The following MYRIP variants were observed in gnomAD, a reference collection of about 807,000 sequenced individuals.
MYRIP encodes the protein myosin VIIA and Rab interacting protein, also known as rab effector MyRIP.
A neutral mutation model predicts 98.0 loss-of-function variants in MYRIP; 49 were observed. That is an observed-to-expected ratio of 0.50 (90% CI 0.40 to 0.63). The LOEUF is 0.63. Ranked by LOEUF, MYRIP falls within the 30% of genes least tolerant of loss-of-function variation. MYRIP has a pLI of 0.00. For missense variants in MYRIP, 1,004 were observed against 1,058.2 expected (o/e 0.95, Z 0.71); for synonymous variants, 404 against 409.5 (o/e 0.99, Z 0.16).
intron 16 of MYRIP, among the ~76,000 whole-genome samples, chr3:40,257,168 T>C (rs1318387206): frequency 3.3e-5 from 5 of 151,156 alleles, no homozygotes. Flanking sequence ...TTACAAAAAA[T>C]AAAAAGTTAG....
intron 1 of MYRIP, among the ~76,000 whole-genome samples, chr3:39,810,866 G>A (rs1378674475): frequency 2.0e-5 from 3 of 152,152 alleles, no homozygotes; most frequent in Non-Finnish European, 4.4e-5. Context: ...TACGCTGTGG[G>A]CTTGGTTCGC....
chr3:40,220,415 G>C (rs980532782), intron 11 of MYRIP, among the ~76,000 whole-genome samples: 35 of 152,168 alleles, frequency 2.3e-4, no homozygotes, highest in South Asian at 4.2e-4. Context: ...TTGCTCATGC[G>C]TATGTCCTGA....
At chr3:39,957,189 A>T (rs574761077) in intron 2 of MYRIP, among the ~76,000 whole-genome samples, 1 of 151,866 alleles carries the variant, frequency 6.6e-6, no homozygotes, top group Non-Finnish European at 1.5e-5. Context: ...TGAGGCCAGC[A>T]TCATCCTGAT....
chr3:40,043,431 T>C (rs533850606), intron 2 of MYRIP, among the ~76,000 whole-genome samples: 29 of 152,294 alleles, frequency 1.9e-4, no homozygotes, highest in African/African-American at 6.3e-4. Context: ...TGCACCGTTA[T>C]GTTTTGCATT....
At chr3:39,863,033 TA>T (rs1184776918) in intron 1 of MYRIP, among the ~76,000 whole-genome samples, 1 of 152,030 alleles carries the variant, frequency 6.6e-6, no homozygotes, top group Admixed American at 6.6e-5. Context: ...ACATGAAAAT[TA>T]ACCCTCCCCT....
chr3:40,209,836 A>T lies in MYRIP; in HGVS notation c.1666-18A>T, dbSNP rs773223371. ...GTAGCAGAGGGCTCCTCATCTCATG[A>T]TTCTGGCTTTCATTTAGGTGTCGGA... On this transcript the variant is annotated intron_variant, in intron 10 of 16. Coordinates refer to ENST00000302541, the MANE Select transcript of MYRIP (RefSeq NM_015460.4). 89 of 1,613,570 alleles carry T rather than the reference A, an allele frequency of 5.5e-5. No homozygotes were observed. The highest frequency in any genetic ancestry group is 7.5e-5 in the Non-Finnish European group (88 of 1,179,748).
chr3:40,194,964 T>TTCC (rs1300951329), intron 10 of MYRIP, among the ~76,000 whole-genome samples: 2 of 152,246 alleles, frequency 1.3e-5, no homozygotes, highest in African/African-American at 2.4e-5. Context: ...ATCTTAGCTA[T>TTCC]TCCAGATAGA....
chr3:40,127,093 T>A (rs1351648275), intron 3 of MYRIP, among the ~76,000 whole-genome samples: 1 of 152,220 alleles, frequency 6.6e-6, no homozygotes, highest in Admixed American at 6.5e-5. Flanking sequence ...GTGGTCCATA[T>A]AGAATAACAA....
chr3:40,212,651 A>T (rs1266401717), intron 11 of MYRIP, among the ~76,000 whole-genome samples: 1 of 152,146 alleles, frequency 6.6e-6, no homozygotes, highest in East Asian at 1.9e-4. Flanking sequence ...AGTCTCAGCT[A>T]TGTAAGAGGC....
intron 8 of MYRIP, chr3:40,173,303 G>A (rs1263386923): frequency 6.6e-6 from 1 of 152,174 alleles, no homozygotes; most frequent in African/African-American, 2.4e-5. Context: ...TCCTGGTTCT[G>A]AGCATTTCCT....
At chr3:40,162,665 A>G in intron 4 of MYRIP, 65 bp from the exon 5 acceptor site, 1 of 1,405,822 alleles carries the variant, frequency 7.1e-7, no homozygotes, top group Non-Finnish European at 1.0e-6. Flanking sequence ...GACACAGTGC[A>G]TCAGGGTTCA....
In MYRIP at chr3:40,244,532, T is replaced by G. The variant is rs754150434; in HGVS notation, c.2187T>G (p.Thr729=). ...CCGCCCGCTGCATCCACAGTGGCAC[T>G]GATGAGACCCATCTGGCGGATCTGG... is the stretch of plus-strand genomic sequence containing the variant. ...EDAARCIHSG[T]DETHLADLED... is the part of the protein sequence containing the mutation. Residue 729 remains threonine (T), a synonymous_variant, in exon 13 of 17, where the codon ACT becomes ACG. Transcript: ENST00000302541. The G allele has an allele frequency of 6.2e-7, 1 of 1,614,026 alleles. No homozygotes were observed. Among genetic ancestry groups the G allele is most frequent in the East Asian group, 2.2e-5 (1 of 44,862 alleles).
intron 2 of MYRIP, among the ~76,000 whole-genome samples, chr3:39,991,260 T>C (rs1307377239): frequency 1.3e-5 from 2 of 152,214 alleles, no homozygotes; most frequent in African/African-American, 4.8e-5. Context: ...CCTGTTGTCA[T>C]CAGAGCATCT....
intron 2 of MYRIP, among the ~76,000 whole-genome samples, chr3:39,973,161 CA>C (rs539155193): frequency 9.7e-4 from 147 of 152,118 alleles, no homozygotes; most frequent in Non-Finnish European, 1.7e-3. Context: ...AAACCTATCT[CA>C]TGTGCAGAGA....
intron 1 of MYRIP, among the ~76,000 whole-genome samples, chr3:39,898,068 C>A (rs1468231719): frequency 6.6e-6 from 1 of 152,090 alleles, no homozygotes; most frequent in Non-Finnish European, 1.5e-5. Context: ...TCTCTTTATG[C>A]TCATCAGGAA....
At chr3:39,910,497 G>C (rs1342799991) in intron 2 of MYRIP, among the ~76,000 whole-genome samples, 1 of 152,206 alleles carries the variant, frequency 6.6e-6, no homozygotes. Flanking sequence ...GTGTAGTTGG[G>C]ACAATACAGT....
At chr3:40,043,638 T>G (rs1947597238) in intron 2 of MYRIP, among the ~76,000 whole-genome samples, 1 of 152,190 alleles carries the variant, frequency 6.6e-6, no homozygotes. Context: ...CAGGACTGCA[T>G]TTATCATATT....
At chr3:39,903,402 G>A (rs913440558) in intron 2 of MYRIP, among the ~76,000 whole-genome samples, 32 of 151,912 alleles carry the variant, frequency 2.1e-4, no homozygotes, top group African/African-American at 5.8e-4. Flanking sequence ...CTTTTCCCCC[G>A]ACCAGCTGTT....
intron 2 of MYRIP, among the ~76,000 whole-genome samples, chr3:40,039,402 C>G (rs916618637): frequency 2.6e-5 from 4 of 152,024 alleles, no homozygotes; most frequent in African/African-American, 9.7e-5. Context: ...TGGAAAAGGG[C>G]TGAGAAAACA....
Sources: gnomAD v4.1 joint callset for allele counts (sites outside exome capture counted in the v4.1 genomes callset) on GRCh38, gnomAD v4.1.1 for gene constraint, MANE v1.5 for transcripts, NCBI Gene and HGNC (gene_info 2026-07-23, HGNC 2026-07-21) for gene names.